The following MAN1C1 variants were observed in gnomAD, a reference collection of about 807,000 sequenced individuals.
The protein encoded by MAN1C1 is mannosyl-oligosaccharide 1,2-alpha-mannosidase IC.
In MAN1C1, 49 loss-of-function variants were observed where a neutral mutation model predicts 71.5. That is an observed-to-expected ratio of 0.69 (90% CI 0.54 to 0.87). The LOEUF is 0.87. Among genes scored for constraint, MAN1C1 ranks in the 40% least tolerant of loss-of-function variants. MAN1C1 has a pLI of 0.00. For synonymous variants in MAN1C1, 352 were observed against 343.7 expected (o/e 1.02, Z -0.27); for missense variants, 743 against 835.0 (o/e 0.89, Z 1.36).
chr1:25,730,568 G>A lies in MAN1C1; in HGVS notation c.638-16100G>A, dbSNP rs75157818. ...AATGCTCCTGGGCTTCGATCTTTAG[G>A]AAATTGAACTGTGTGTTTTCTCTGA... On this transcript the variant is annotated intron_variant, in intron 2 of 11. Transcript: ENST00000374332. This position sits in a 1 kb window ranked among gnomAD's most constrained non-coding sequence, Gnocchi z 4.3. Among the ~76,000 whole-genome samples the A allele has an allele frequency of 2.0e-3, 301 of 152,304 alleles. 2 individuals are homozygous for A. The highest frequency in any genetic ancestry group is 6.3e-3 in the African/African-American group (261 of 41,550).
intron 1 of MAN1C1, among the ~76,000 whole-genome samples, chr1:25,662,884 A>AC (rs1435317058): frequency 6.6e-6 from 1 of 151,994 alleles, no homozygotes; most frequent in Non-Finnish European, 1.5e-5. Flanking sequence ...ATATGGTGAA[A>AC]CCCCGTCTTA....
At chr1:25,678,316 TG>T (rs1369770300) in intron 1 of MAN1C1, among the ~76,000 whole-genome samples, 31 of 152,354 alleles carry the variant, frequency 2.0e-4, no homozygotes, top group Middle Eastern at 3.4e-3. Flanking sequence ...TATTTCCAAA[TG>T]GAACAAATAT....
At chr1:25,670,710 A>T (rs2045982332) in intron 1 of MAN1C1, among the ~76,000 whole-genome samples, 1 of 152,248 alleles carries the variant, frequency 6.6e-6, no homozygotes, top group African/African-American at 2.4e-5. Context: ...TGAATCAGCC[A>T]GACCCCAGCT....
intron 2 of MAN1C1, among the ~76,000 whole-genome samples, chr1:25,712,271 C>A (rs763262221): frequency 1.3e-5 from 2 of 152,214 alleles, no homozygotes; most frequent in Non-Finnish European, 2.9e-5. Flanking sequence ...TTATAGAAGA[C>A]ATTTTTGGGT....
At chr1:25,665,103 CAGAG>C (rs1398986369) in intron 1 of MAN1C1, among the ~76,000 whole-genome samples, 1 of 152,136 alleles carries the variant, frequency 6.6e-6, no homozygotes, top group Non-Finnish European at 1.5e-5. Context: ...GACAAAGAGG[CAGAG>C]AGATGGTTGT....
chr1:25,761,620 C>CTTTTTTTTTTTTTT (rs71014385), intron 6 of MAN1C1: 5 of 95,820 alleles, frequency 5.2e-5, no homozygotes, highest in African/African-American at 8.7e-5. Flanking sequence ...ACCTCTACTT[C>CTTTTTTTTTTTTTT]TTTTTTTTTT....
At chr1:25,695,258 A>C (rs2046355554) in intron 2 of MAN1C1, among the ~76,000 whole-genome samples, 1 of 152,100 alleles carries the variant, frequency 6.6e-6, no homozygotes, top group South Asian at 2.1e-4. Context: ...CTTGGATAGA[A>C]TGGGTCAGGC....
At chr1:25,691,511 A>G (rs1032668885) in intron 2 of MAN1C1, among the ~76,000 whole-genome samples, 1 of 152,258 alleles carries the variant, frequency 6.6e-6, no homozygotes, top group Admixed American at 6.5e-5. Context: ...GTTCACACAC[A>G]TGAAGTGCTT....
At chr1:25,690,688 G>C (rs1239551127) in intron 2 of MAN1C1, among the ~76,000 whole-genome samples, 1 of 152,250 alleles carries the variant, frequency 6.6e-6, no homozygotes, top group African/African-American at 2.4e-5. Flanking sequence ...ATCCAGACAG[G>C]CCTGGGTGGA....
chr1:25,736,792 G>A (rs2982296), intron 2 of MAN1C1, among the ~76,000 whole-genome samples: 5,273 of 152,266 alleles, frequency 0.035, 307 homozygotes, highest in African/African-American at 0.12. Flanking sequence ...CTCCCAAAGT[G>A]TTGTAATTAC....
rs988573915 is a variant in MAN1C1 at position 25,634,067 on chromosome 1, A to G, written c.540+15730A>G. 6.6e-6 allele frequency among the ~76,000 whole-genome samples: 1 copy of G among 152,160 alleles called. No individual in the cohort carries two copies. The highest frequency in any genetic ancestry group is 6.5e-5 in the Admixed American group (1 of 15,274). The stretch of plus-strand genomic sequence containing the variant: ...AGAAATATAATAGGGTTTTTTCTGT[A>G]TATTGATTTTGTATCATATGACCTT... On this transcript the variant is annotated intron_variant, in intron 1 of 11. Coordinates refer to ENST00000374332, the MANE Select transcript of MAN1C1 (RefSeq NM_020379.4). This position sits in a 1 kb window ranked among gnomAD's most constrained non-coding sequence, Gnocchi z 4.6.
Position 25,771,731 on chromosome 1 carries a change from A to C in MAN1C1, c.1216A>C (p.Thr406Pro). ...CAAATCCTGGTTGATGTCGGGCAAG[A>C]CAGATATGGAGGCTAAAAATATGTA... is the stretch of plus-strand genomic sequence containing the variant. ...LIKSWLMSGK[T>P]DMEAKNMYYE... The change falls in exon 8 of 12, where the codon ACA becomes CCA. Residue 406 changes from threonine to proline, a missense_variant. Transcript: ENST00000374332. The C allele has an allele frequency of 6.2e-7, 1 of 1,614,140 alleles. No homozygotes were observed. Among genetic ancestry groups the C allele is most frequent in the Non-Finnish European group, 8.5e-7 (1 of 1,180,010 alleles).
At chr1:25,756,105 G>A (rs1389565687) in intron 5 of MAN1C1, among the ~76,000 whole-genome samples, 1 of 152,198 alleles carries the variant, frequency 6.6e-6, no homozygotes, top group African/African-American at 2.4e-5. Flanking sequence ...GAACCACCTG[G>A]CACAGATCAG....
At chr1:25,638,569 GA>G (rs1379680820) in intron 1 of MAN1C1, among the ~76,000 whole-genome samples, 1 of 151,948 alleles carries the variant, frequency 6.6e-6, no homozygotes, top group African/African-American at 2.4e-5. Context: ...TTGTAGTGTA[GA>G]TCTGCTGGTG....
intron 7 of MAN1C1, among the ~76,000 whole-genome samples, chr1:25,765,841 A>G (rs2047419774): frequency 6.6e-6 from 1 of 152,188 alleles, no homozygotes; most frequent in African/African-American, 2.4e-5. Context: ...CCTCACCCCA[A>G]GTGGCCTCCC....
At chr1:25,622,495 G>A (rs2045229653) in intron 1 of MAN1C1, among the ~76,000 whole-genome samples, 1 of 152,204 alleles carries the variant, frequency 6.6e-6, no homozygotes, top group African/African-American at 2.4e-5. Context: ...CTAAGGCTGG[G>A]TCTTCTCCCT....
At chr1:25,743,468 T>A (rs1263600041) in intron 2 of MAN1C1, among the ~76,000 whole-genome samples, 1 of 152,156 alleles carries the variant, frequency 6.6e-6, no homozygotes, top group Non-Finnish European at 1.5e-5. Context: ...GGGCCTTCTC[T>A]CCTGCCCAGC....
intron 6 of MAN1C1, among the ~76,000 whole-genome samples, chr1:25,761,968 T>G (rs2047366012): frequency 6.6e-6 from 1 of 152,120 alleles, no homozygotes; most frequent in Non-Finnish European, 1.5e-5. Flanking sequence ...ATTGCACTTA[T>G]AAGTGAGATC....
chr1:25,743,080 A>G (rs933725770), intron 2 of MAN1C1, among the ~76,000 whole-genome samples: 2 of 152,186 alleles, frequency 1.3e-5, no homozygotes, highest in Non-Finnish European at 2.9e-5. Flanking sequence ...TGGCTCAGGA[A>G]CCTGCAGTGG....
Sources: gnomAD v4.1 joint callset for allele counts (sites outside exome capture counted in the v4.1 genomes callset) on GRCh38, gnomAD v4.1.1 for gene constraint, Gnocchi (gnomAD v3.1) non-coding constraint, MANE v1.5 for transcripts, NCBI Gene and HGNC (gene_info 2026-07-23, HGNC 2026-07-21) for gene names.